FHIT: variants seen among roughly 807,000 people sequenced by gnomAD.
The protein encoded by FHIT is bis(5'-adenosyl)-triphosphatase.
Under a neutral mutation model 17.9 loss-of-function variants are expected in FHIT, and 19 were observed. The observed-to-expected ratio is 1.06, with a 90% CI of 0.74 to 1.56. The LOEUF is 1.56. Ranked by LOEUF, FHIT falls within the 40% of genes most tolerant of loss-of-function variation. The pLI is 0.00. For missense variants in FHIT, 248 were observed against 189.2 expected, an observed-to-expected ratio of 1.31 and a Z score of -1.82; for synonymous variants, 81 against 69.7, an observed-to-expected ratio of 1.16 and a Z score of -0.81.
At chr3:61,248,107 G>A (rs2040529136) in intron 1 of FHIT, among the ~76,000 whole-genome samples, 2 of 152,218 alleles carry the variant, frequency 1.3e-5, no homozygotes, top group Non-Finnish European at 2.9e-5. Flanking sequence ...TCTCTGCAAT[G>A]TACATGTTGA....
At chr3:60,046,265 G>A (rs1363289202) in intron 5 of FHIT, among the ~76,000 whole-genome samples, 1 of 152,174 alleles carries the variant, frequency 6.6e-6, no homozygotes, top group Non-Finnish European at 1.5e-5. Flanking sequence ...CCATTCTGCA[G>A]AACCAAATGT....
At chr3:59,956,731 G>C (rs1308388160) in intron 7 of FHIT, among the ~76,000 whole-genome samples, 1 of 152,206 alleles carries the variant, frequency 6.6e-6, no homozygotes, top group East Asian at 1.9e-4. Flanking sequence ...CTGTAAAATG[G>C]GGATAAGAAC....
chr3:60,784,518 T>G (rs1700499242), intron 4 of FHIT, among the ~76,000 whole-genome samples: 1 of 152,068 alleles, frequency 6.6e-6, no homozygotes, highest in African/African-American at 2.4e-5. Context: ...GTCCTTTTAG[T>G]AGAGATGGGG....
intron 3 of FHIT, among the ~76,000 whole-genome samples, chr3:60,931,574 C>T (rs1553771815): frequency 6.8e-6 from 1 of 146,026 alleles, no homozygotes; most frequent in African/African-American, 2.5e-5. Context: ...CAAATCGCCT[C>T]AGAAGCTTCC....
At chr3:61,044,391 A>C (rs1681664864) in intron 2 of FHIT, among the ~76,000 whole-genome samples, 1 of 152,210 alleles carries the variant, frequency 6.6e-6, no homozygotes, top group African/African-American at 2.4e-5. Context: ...CACTGATTGA[A>C]GACCAAATGA....
chr3:59,955,915 A>G lies in FHIT; in HGVS notation c.280-33501T>C, dbSNP rs113280735. Among the ~76,000 whole-genome samples, 25 of 152,330 alleles carry G rather than the reference A, an allele frequency of 1.6e-4. 1 individual carries two copies. The highest frequency in any genetic ancestry group is 5.5e-4 in the African/African-American group (23 of 41,578). On this transcript the variant is annotated intron_variant, in intron 7 of 9. Transcript: ENST00000492590. Reference sequence around the variant, plus strand: ...GTCAGTTCTCTGCCCAGCAACCGCCATGGTGTGTAACAAATGAAACTGATC... The same window carrying G: ...GTCAGTTCTCTGCCCAGCAACCGCCGTGGTGTGTAACAAATGAAACTGATC...
intron 4 of FHIT, among the ~76,000 whole-genome samples, chr3:60,705,798 C>G (rs62251541): frequency 0.054 from 8,219 of 152,200 alleles, 321 homozygotes; most frequent in African/African-American, 0.1. Flanking sequence ...TCACACCCAC[C>G]ATCTCTCCAG....
intron 3 of FHIT, among the ~76,000 whole-genome samples, chr3:60,879,177 C>T (rs1327529567): frequency 6.6e-6 from 1 of 152,138 alleles, no homozygotes; most frequent in Non-Finnish European, 1.5e-5. Context: ...TTAATGATCG[C>T]CATTCTAACT....
At chr3:60,597,918 T>C (rs1168979275) in intron 4 of FHIT, among the ~76,000 whole-genome samples, 12 of 152,036 alleles carry the variant, frequency 7.9e-5, no homozygotes, top group Non-Finnish European at 1.5e-5. Flanking sequence ...GATTGCCAGA[T>C]ACAAAGAAAT....
intron 8 of FHIT, among the ~76,000 whole-genome samples, chr3:59,898,442 T>TTGTGTG (rs3075168): frequency 0.039 from 5,717 of 145,914 alleles, 132 homozygotes; most frequent in African/African-American, 0.068. Context: ...GTGTGTATGT[T>TTGTGTG]TGTGTGTGTG....
intron 3 of FHIT, among the ~76,000 whole-genome samples, chr3:61,036,694 T>C (rs2033256612): frequency 6.6e-6 from 1 of 152,124 alleles, no homozygotes; most frequent in African/African-American, 2.4e-5. Context: ...GTTGGGGAAG[T>C]TTGAGGAGTT....
intron 5 of FHIT, among the ~76,000 whole-genome samples, chr3:60,205,292 AT>A (rs902922323): frequency 3.4e-4 from 52 of 152,310 alleles, no homozygotes; most frequent in Non-Finnish European, 1.5e-5. Flanking sequence ...GTAATATTCC[AT>A]TTTTGTAAAA....
intron 1 of FHIT, among the ~76,000 whole-genome samples, chr3:61,203,862 C>T (rs2039116033): frequency 6.6e-6 from 1 of 152,134 alleles, no homozygotes; most frequent in African/African-American, 2.4e-5. Flanking sequence ...GCAAAGAGGC[C>T]CTTACACATG....
chr3:60,630,742 C>T (rs2039416386), intron 4 of FHIT, among the ~76,000 whole-genome samples: 1 of 152,048 alleles, frequency 6.6e-6, no homozygotes, highest in Non-Finnish European at 1.5e-5. Context: ...CTTTCTAATC[C>T]TTCCTCTCAC....
intron 5 of FHIT, among the ~76,000 whole-genome samples, chr3:60,326,249 A>C (rs1240351679): frequency 1.3e-5 from 2 of 152,142 alleles, no homozygotes; most frequent in South Asian, 2.1e-4. Context: ...ATATAATGAA[A>C]TAATTCTACA....
At chr3:60,688,964 G>A (rs553786925) in intron 4 of FHIT, among the ~76,000 whole-genome samples, 4 of 152,210 alleles carry the variant, frequency 2.6e-5, no homozygotes, top group Middle Eastern at 3.4e-3. Context: ...GTGGCTCTGT[G>A]TCCCCACCCA....
chr3:60,956,464 A>G (rs1709164763), intron 3 of FHIT, among the ~76,000 whole-genome samples: 1 of 152,106 alleles, frequency 6.6e-6, no homozygotes, highest in African/African-American at 2.4e-5. Context: ...TATTGTCCCT[A>G]CCTTTAGCTG....
chr3:59,850,175 A>G (rs1174992481), intron 8 of FHIT, among the ~76,000 whole-genome samples: 1 of 152,212 alleles, frequency 6.6e-6, no homozygotes, highest in Non-Finnish European at 1.5e-5. Flanking sequence ...TTATTTCCAC[A>G]TAAATTGCAA....
intron 3 of FHIT, among the ~76,000 whole-genome samples, chr3:60,952,866 T>C (rs1191376316): frequency 6.6e-6 from 1 of 152,244 alleles, no homozygotes; most frequent in Non-Finnish European, 1.5e-5. Context: ...CTCTCTTTGT[T>C]CAACCTAATA....
Sources: gnomAD v4.1 joint callset for allele counts (sites outside exome capture counted in the v4.1 genomes callset) on GRCh38, gnomAD v4.1.1 for gene constraint, MANE v1.5 for transcripts, NCBI Gene and HGNC (gene_info 2026-07-23, HGNC 2026-07-21) for gene names.